Variants in FGGY observed in about 807,000 individuals in gnomAD.
The protein encoded by FGGY is FGGY carbohydrate kinase domain containing, also known as FGGY carbohydrate kinase domain-containing protein.
FGGY carries 72 observed loss-of-function variants against 71.3 expected under a neutral mutation model. The observed-to-expected ratio is 1.01, with a 90% CI of 0.84 to 1.23. The LOEUF (loss-of-function observed/expected upper bound fraction) is 1.23, where lower values mean the gene tolerates loss of function less well. Ranked by LOEUF, FGGY falls within the 50% of genes most tolerant of loss-of-function variation. The pLI is 0.00. For synonymous variants in FGGY, 251 were observed against 250.3 expected (o/e 1.00, Z -0.02); for missense variants, 668 against 682.3 (o/e 0.98, Z 0.23).
chr1:59,490,021 GAA>G (rs1292155557), intron 6 of FGGY, among the ~76,000 whole-genome samples: 1 of 151,998 alleles, frequency 6.6e-6, no homozygotes, highest in Non-Finnish European at 1.5e-5. Context: ...CTTCTTTTGA[GAA>G]ATATCTGTTC....
At chr1:59,362,558 T>C (rs2055773600) in intron 4 of FGGY, among the ~76,000 whole-genome samples, 1 of 152,232 alleles carries the variant, frequency 6.6e-6, no homozygotes, top group Admixed American at 6.5e-5. Context: ...TGGATGCTGC[T>C]GATGCTTCTG....
chr1:59,580,568 C>T (rs1415531500), intron 8 of FGGY, among the ~76,000 whole-genome samples: 2 of 152,150 alleles, frequency 1.3e-5, no homozygotes, highest in East Asian at 1.9e-4. Context: ...TTAACCACTA[C>T]ATTGTGTGTC....
chr1:59,343,836 TAGCTG>T (rs2051208444), intron 3 of FGGY, among the ~76,000 whole-genome samples: 1 of 152,214 alleles, frequency 6.6e-6, no homozygotes, highest in Non-Finnish European at 1.5e-5. Flanking sequence ...GAGGCAGTAG[TAGCTG>T]ATTGGTCTGT....
At chr1:59,425,193 T>C (rs1441930371) in intron 5 of FGGY, among the ~76,000 whole-genome samples, 1 of 152,218 alleles carries the variant, frequency 6.6e-6, no homozygotes, top group Non-Finnish European at 1.5e-5. Flanking sequence ...AAAGCTGATA[T>C]ATAGGTATAG....
At chr1:59,531,632 A>C (rs12741290) in intron 7 of FGGY, among the ~76,000 whole-genome samples, 25,762 of 152,124 alleles carry the variant, frequency 0.17, 2,616 homozygotes, top group South Asian at 0.34. Context: ...ATAATACACT[A>C]TGAGCATTTG....
chr1:59,683,706 CAAGAG>C (rs2097523552), intron 14 of FGGY, among the ~76,000 whole-genome samples: 1 of 152,150 alleles, frequency 6.6e-6, no homozygotes, highest in Non-Finnish European at 1.5e-5. Context: ...CTGGGCAAAA[CAAGAG>C]AAGGAAATAA....
At chr1:59,562,766 G>A (rs955809007) in intron 8 of FGGY, among the ~76,000 whole-genome samples, 1 of 152,202 alleles carries the variant, frequency 6.6e-6, no homozygotes, top group African/African-American at 2.4e-5. Context: ...CAAGGGCCAG[G>A]AAAGTAGGAT....
chr1:59,385,041 G>A (rs1490060692), intron 5 of FGGY, among the ~76,000 whole-genome samples: 2 of 152,098 alleles, frequency 1.3e-5, no homozygotes, highest in African/African-American at 2.4e-5. Flanking sequence ...TTAAAAATAC[G>A]TTTTAGTAGA....
At chr1:59,360,843 G>T (rs554240008) in intron 4 of FGGY, among the ~76,000 whole-genome samples, 11 of 152,254 alleles carry the variant, frequency 7.2e-5, no homozygotes, top group Non-Finnish European at 1.0e-4. Context: ...TGGGGAGAGG[G>T]TATTATTCCT....
chr1:59,445,417 A>G (rs1309470414), intron 5 of FGGY, among the ~76,000 whole-genome samples: 4 of 151,990 alleles, frequency 2.6e-5, no homozygotes, highest in Non-Finnish European at 4.4e-5. Context: ...TCTTTCTTTA[A>G]CCATCTGAAT....
At chr1:59,740,554 A>T (rs2098139049) in intron 14 of FGGY, among the ~76,000 whole-genome samples, 1 of 152,232 alleles carries the variant, frequency 6.6e-6, no homozygotes, top group Non-Finnish European at 1.5e-5. Context: ...TATTTACAAC[A>T]CAGAAATTGG....
At chr1:59,672,540 C>G (rs1411590753) in intron 13 of FGGY, among the ~76,000 whole-genome samples, 1 of 152,202 alleles carries the variant, frequency 6.6e-6, no homozygotes. Context: ...CTGAGCTTCT[C>G]CCAGCATTCC....
chr1:59,756,636 G>A (rs749523643), intron 14 of FGGY, among the ~76,000 whole-genome samples: 6 of 152,320 alleles, frequency 3.9e-5, no homozygotes, highest in Non-Finnish European at 7.3e-5. Flanking sequence ...GAGGCAATAT[G>A]TTTTATGAAT....
intron 5 of FGGY, among the ~76,000 whole-genome samples, chr1:59,442,395 T>C (rs2070142994): frequency 6.6e-6 from 1 of 152,196 alleles, no homozygotes; most frequent in Admixed American, 6.6e-5. Context: ...AAAACCTAAT[T>C]TTAAGGCCAT....
At chr1:59,553,598 A>T (rs1388979673) in intron 7 of FGGY, among the ~76,000 whole-genome samples, 2 of 152,222 alleles carry the variant, frequency 1.3e-5, no homozygotes, top group Non-Finnish European at 1.5e-5. Context: ...GATGCCAGAA[A>T]GATTCAGTCA....
At chr1:59,443,431 T>G (rs2070436844) in intron 5 of FGGY, among the ~76,000 whole-genome samples, 1 of 152,152 alleles carries the variant, frequency 6.6e-6, no homozygotes, top group Admixed American at 6.6e-5. Flanking sequence ...TATGATAACT[T>G]GCTTTTCCTT....
chr1:59,301,657 T>A (rs1172322646), intron 1 of FGGY, among the ~76,000 whole-genome samples: 2 of 151,420 alleles, frequency 1.3e-5, no homozygotes, highest in East Asian at 3.9e-4. Flanking sequence ...TTTAAAGGAA[T>A]AATGGAAGTT....
chr1:59,697,798 A>G lies in FGGY; in HGVS notation c.1512+23665A>G, dbSNP rs112940791. On this transcript the variant is annotated intron_variant, in intron 14 of 15. Transcript: ENST00000303721. ...GCTGTGCCCCTCCACATCACCCCCT[A>G]TTTTCTTTGTTTCTTCTGCCCAAGG... is the stretch of plus-strand genomic sequence containing the variant. The G allele has an allele frequency of 4.6e-5, 42 of 908,662 alleles. 1 individual carries two copies. In the African/African-American group the frequency reaches 6.6e-4, roughly 14 times the overall value. The allele number at this position is 908,662 out of a possible 1,614,324, so 56.3% of individuals were successfully genotyped here.
At chr1:59,345,700 CA>C (rs2153219812) in intron 3 of FGGY, among the ~76,000 whole-genome samples, 1 of 148,942 alleles carries the variant, frequency 6.7e-6, no homozygotes, top group South Asian at 2.1e-4. Flanking sequence ...CGCCAGCAAA[CA>C]AGCCAACCAA....
Sources: gnomAD v4.1 joint callset for allele counts (sites outside exome capture counted in the v4.1 genomes callset) on GRCh38, gnomAD v4.1.1 for gene constraint, MANE v1.5 for transcripts, NCBI Gene and HGNC (gene_info 2026-07-23, HGNC 2026-07-21) for gene names.